PCDH15: variants seen among roughly 807,000 people sequenced by gnomAD.
PCDH15 encodes the protein protocadherin related 15, also known as protocadherin-15.
PCDH15 carries 129 observed loss-of-function variants against 178.5 expected under a neutral mutation model. The ratio of observed to expected loss-of-function variants is 0.72; its 90% CI spans 0.63 to 0.84. The LOEUF (loss-of-function observed/expected upper bound fraction) is 0.84. Among genes scored for constraint, PCDH15 ranks in the 40% least tolerant of loss-of-function variants. The pLI is 0.00. For missense variants in PCDH15, 2,230 were observed against 2,099.9 expected, an observed-to-expected ratio of 1.06 and a Z score of -1.21; for synonymous variants, 800 against 732.0, an observed-to-expected ratio of 1.09 and a Z score of -1.50.
intron 6 of PCDH15, among the ~76,000 whole-genome samples, chr10:54,345,562 T>A (rs1355261187): frequency 6.6e-6 from 1 of 151,978 alleles, no homozygotes; most frequent in Non-Finnish European, 1.5e-5. Flanking sequence ...TTACTTTGTC[T>A]GTTTTTTTGA....
intron 10 of PCDH15, among the ~76,000 whole-genome samples, chr10:54,202,174 T>A (rs2050301457): frequency 6.6e-6 from 1 of 152,182 alleles, no homozygotes; most frequent in Non-Finnish European, 1.5e-5. Context: ...TTAGCATGAT[T>A]TTGACTGTGT....
At chr10:55,597,483 C>G (rs1233655104) in intron 2 of PCDH15, among the ~76,000 whole-genome samples, 1 of 152,102 alleles carries the variant, frequency 6.6e-6, no homozygotes, top group Non-Finnish European at 1.5e-5. Context: ...CACTCCAACA[C>G]TAGCCCCTCG....
chr10:54,044,112 T>A (rs577570714), intron 18 of PCDH15, among the ~76,000 whole-genome samples: 1 of 152,170 alleles, frequency 6.6e-6, no homozygotes, highest in East Asian at 1.9e-4. Flanking sequence ...TGAGGATAGA[T>A]CTTGATTATG....
At chr10:55,435,972 T>C (rs1839028862) in intron 2 of PCDH15, among the ~76,000 whole-genome samples, 1 of 152,140 alleles carries the variant, frequency 6.6e-6, no homozygotes, top group South Asian at 2.1e-4. Context: ...AATGTGTTGA[T>C]ACTCTAAAAT....
At chr10:53,948,930 G>A (rs987505287) in intron 23 of PCDH15, among the ~76,000 whole-genome samples, 4 of 152,120 alleles carry the variant, frequency 2.6e-5, no homozygotes, top group African/African-American at 9.7e-5. Flanking sequence ...GTATCCTACT[G>A]TATGTTTTAC....
intron 3 of PCDH15, among the ~76,000 whole-genome samples, chr10:54,443,612 G>A (rs766609599): frequency 4.0e-5 from 6 of 151,608 alleles, no homozygotes; most frequent in East Asian, 1.9e-4. Context: ...TCCATCTGTC[G>A]GACTGACTAC....
intron 27 of PCDH15, among the ~76,000 whole-genome samples, chr10:53,864,861 C>A (rs561404408): frequency 1.1e-4 from 16 of 152,002 alleles, no homozygotes; most frequent in Non-Finnish European, 1.9e-4. Context: ...TTGTTTCGTT[C>A]CTGTGTTAAT....
At chr10:55,201,348 C>T (rs1195340709) in intron 1 of PCDH15, among the ~76,000 whole-genome samples, 2 of 152,048 alleles carry the variant, frequency 1.3e-5, no homozygotes, top group Non-Finnish European at 2.9e-5. Flanking sequence ...AGCCTTACTC[C>T]TGTTTCAGTT....
intron 2 of PCDH15, chr10:54,619,172 A>G (rs1413821204): frequency 6.6e-6 from 1 of 152,052 alleles, no homozygotes; most frequent in Non-Finnish European, 1.5e-5. Flanking sequence ...ATAAAAGACA[A>G]TGAAATTGAA....
At chr10:53,953,764 GAAGT>G (rs1020883911) in intron 23 of PCDH15, among the ~76,000 whole-genome samples, 2 of 151,976 alleles carry the variant, frequency 1.3e-5, no homozygotes, top group African/African-American at 4.8e-5. Context: ...AGAAAGTAAA[GAAGT>G]AATTTTTTTG....
chr10:54,047,845 T>G (rs2093687318), intron 18 of PCDH15, among the ~76,000 whole-genome samples: 1 of 152,172 alleles, frequency 6.6e-6, no homozygotes, highest in Middle Eastern at 3.2e-3. Flanking sequence ...ATTCCATAAG[T>G]TTGCGATTGT....
At chr10:55,525,297 G>T (rs1195400230) in intron 2 of PCDH15, among the ~76,000 whole-genome samples, 8 of 151,718 alleles carry the variant, frequency 5.3e-5, no homozygotes, top group Admixed American at 3.9e-4. Flanking sequence ...GCTTTTTACA[G>T]AACATTTTTT....
chr10:54,297,203 T>C (rs919815319), intron 8 of PCDH15, among the ~76,000 whole-genome samples: 12 of 152,028 alleles, frequency 7.9e-5, no homozygotes, highest in African/African-American at 2.7e-4. Flanking sequence ...GCAGGTGGTT[T>C]TGTCTTTCAG....
chr10:54,913,269 TG>T (rs1954848018), intron 2 of PCDH15, among the ~76,000 whole-genome samples: 2 of 152,140 alleles, frequency 1.3e-5, no homozygotes, highest in African/African-American at 4.8e-5. Context: ...CATGGTTTTG[TG>T]GGCCAGGCCC....
chr10:55,123,047 G>T (rs1837811524), intron 2 of PCDH15, among the ~76,000 whole-genome samples: 1 of 151,896 alleles, frequency 6.6e-6, no homozygotes, highest in Non-Finnish European at 1.5e-5. Flanking sequence ...AATGCTTATG[G>T]CATGGAACAT....
intron 21 of PCDH15, among the ~76,000 whole-genome samples, chr10:53,968,778 C>A (rs186731463): frequency 6.6e-6 from 1 of 152,304 alleles, no homozygotes; most frequent in East Asian, 1.9e-4. Flanking sequence ...AACAGTCCAG[C>A]AGCTGACGGT....
intron 2 of PCDH15, among the ~76,000 whole-genome samples, chr10:55,032,007 G>A (rs1439861259): frequency 6.6e-6 from 1 of 152,182 alleles, no homozygotes; most frequent in Non-Finnish European, 1.5e-5. Flanking sequence ...TATAGAGACT[G>A]GAAGAGTTTT....
At chr10:54,980,283 T>A (rs1839197599) in intron 2 of PCDH15, among the ~76,000 whole-genome samples, 1 of 152,202 alleles carries the variant, frequency 6.6e-6, no homozygotes, top group Non-Finnish European at 1.5e-5. Context: ...GCTCTAAGTA[T>A]AACATTTACA....
intron 7 of PCDH15, among the ~76,000 whole-genome samples, chr10:54,327,536 T>C (rs1938421127): frequency 1.3e-5 from 2 of 151,542 alleles, no homozygotes; most frequent in South Asian, 2.1e-4. Context: ...TAGATCTATA[T>C]GTCTATCTAC....
Sources: gnomAD v4.1 joint callset for allele counts (sites outside exome capture counted in the v4.1 genomes callset) on GRCh38, gnomAD v4.1.1 for gene constraint, MANE v1.5 for transcripts, NCBI Gene and HGNC (gene_info 2026-07-23, HGNC 2026-07-21) for gene names.